ADCY2: variants seen among roughly 807,000 people sequenced by gnomAD.
The protein encoded by ADCY2 is adenylate cyclase 2.
Under a neutral mutation model 125.2 loss-of-function variants are expected in ADCY2, and 31 were observed. The observed-to-expected ratio is 0.25, with a 90% CI of 0.19 to 0.33. ADCY2 has a LOEUF of 0.33. ADCY2 is among the 10% of genes least tolerant of loss of function. The pLI is 1.00. For synonymous variants in ADCY2, 512 were observed against 548.4 expected, an observed-to-expected ratio of 0.93 and a Z score of 0.93; for missense variants, 904 against 1,418.2, an observed-to-expected ratio of 0.64 and a Z score of 5.82.
chr5:7,505,051 T>A (rs1283782356), intron 2 of ADCY2, among the ~76,000 whole-genome samples: 1 of 151,412 alleles, frequency 6.6e-6, no homozygotes, highest in Non-Finnish European at 1.5e-5. Flanking sequence ...CTGTGGCTAA[T>A]TTTTGTGGTT....
Position 7,709,197 on chromosome 5 carries a change from T to C in ADCY2, c.1402-14T>C. ...GTGCTGTGCCAGGTGTGATGCTTTG[T>C]TTCTCACCCCAAGGGAGAACGACGG... On this transcript the variant is annotated splice_polypyrimidine_tract_variant and intron_variant, in intron 9 of 24. Coordinates refer to ENST00000338316, the MANE Select transcript of ADCY2 (RefSeq NM_020546.3). This position sits in a 1 kb window ranked among gnomAD's most constrained non-coding sequence, Gnocchi z 4.4. 1 of 1,591,704 alleles carries C rather than the reference T, an allele frequency of 6.3e-7. No homozygotes were observed. Among genetic ancestry groups the C allele is most frequent in the Non-Finnish European group, 8.6e-7 (1 of 1,168,754 alleles).
chr5:7,602,096 T>C (rs954803235), intron 3 of ADCY2, among the ~76,000 whole-genome samples: 2 of 152,184 alleles, frequency 1.3e-5, no homozygotes, highest in Non-Finnish European at 1.5e-5. Context: ...TAGAAGGACA[T>C]TTGTCATTGG....
chr5:7,736,057 A>G (rs1286609554), intron 14 of ADCY2, among the ~76,000 whole-genome samples: 1 of 152,062 alleles, frequency 6.6e-6, no homozygotes, highest in East Asian at 1.9e-4. Flanking sequence ...CCTCTCTACC[A>G]AAAATACAAA....
intron 2 of ADCY2, among the ~76,000 whole-genome samples, chr5:7,504,541 C>G (rs1215397077): frequency 6.6e-6 from 1 of 151,918 alleles, no homozygotes; most frequent in Non-Finnish European, 1.5e-5. Flanking sequence ...AAAATTAACA[C>G]TGTTCAGCAA....
intron 4 of ADCY2, among the ~76,000 whole-genome samples, chr5:7,629,071 T>G (rs1410532192): frequency 6.6e-6 from 1 of 151,646 alleles, no homozygotes; most frequent in Non-Finnish European, 1.5e-5. Flanking sequence ...TCAAAGTTCT[T>G]CATTCCGGAA....
intron 2 of ADCY2, among the ~76,000 whole-genome samples, chr5:7,466,525 T>C (rs1309039686): frequency 6.6e-6 from 1 of 152,212 alleles, no homozygotes; most frequent in Non-Finnish European, 1.5e-5. Context: ...AGCCTGCTTT[T>C]AAGCCCTGCC....
At chr5:7,529,246 T>A (rs752274845) in intron 3 of ADCY2, among the ~76,000 whole-genome samples, 13,857 of 53,688 alleles carry the variant, frequency 0.26, 741 homozygotes, top group South Asian at 0.44. Context: ...GAATGAGGAC[T>A]TAATGAAAAG....
intron 7 of ADCY2, 69 bp from the exon 8 acceptor site, chr5:7,706,675 A>C: frequency 6.4e-7 from 1 of 1,551,558 alleles, no homozygotes; most frequent in Non-Finnish European, 8.8e-7. Context: ...AAATACTGGG[A>C]AAATTGGCCA....
chr5:7,428,423 C>T (rs1285492679), intron 2 of ADCY2, among the ~76,000 whole-genome samples: 1 of 152,148 alleles, frequency 6.6e-6, no homozygotes, highest in African/African-American at 2.4e-5. Flanking sequence ...CTTTTCACTC[C>T]ATGATATATG....
chr5:7,418,645 C>CTTTTTTTTTT (rs1160037097), intron 2 of ADCY2, among the ~76,000 whole-genome samples: 1 of 92,504 alleles, frequency 1.1e-5, no homozygotes, highest in African/African-American at 5.1e-5. Context: ...AGTCTACCTT[C>CTTTTTTTTTT]TGTTTTTTTT....
chr5:7,704,553 G>A (rs1741199039), intron 7 of ADCY2, among the ~76,000 whole-genome samples: 1 of 152,048 alleles, frequency 6.6e-6, no homozygotes, highest in African/African-American at 2.4e-5. Flanking sequence ...TTTTTCTATA[G>A]ATCATGTAAA....
intron 3 of ADCY2, among the ~76,000 whole-genome samples, chr5:7,612,564 T>C (rs914262510): frequency 1.3e-5 from 2 of 152,210 alleles, no homozygotes; most frequent in African/African-American, 2.4e-5. Context: ...GCAGGAATGC[T>C]GCTGTATTTG....
At position 7,609,989 on chromosome 5, in the gene ADCY2, G is replaced by T. The variant is rs16878813; in HGVS notation, c.571-16178G>T. 7.3e-3 allele frequency among the ~76,000 whole-genome samples: 1,115 copies of T among 152,314 alleles called. 10 individuals carry two copies. Among genetic ancestry groups the T allele is most frequent in the African/African-American group, 0.025 (1,050 of 41,568 alleles). On this transcript the variant is annotated intron_variant, in intron 3 of 24. Transcript: ENST00000338316. The stretch of plus-strand genomic sequence containing the variant: ...GGAGCAACCCAGAGGAGGGCTTCAT[G>T]CCTAGAGTGGAGCTGAGACAGGGCA...
At chr5:7,455,416 G>A (rs76118555) in intron 2 of ADCY2, among the ~76,000 whole-genome samples, 1,765 of 152,158 alleles carry the variant, frequency 0.012, 11 homozygotes, top group Non-Finnish European at 0.019. Context: ...GGACATTTGA[G>A]GGAAAAGTTC....
At chr5:7,403,830 C>G (rs1021309622) in intron 1 of ADCY2, among the ~76,000 whole-genome samples, 1 of 152,020 alleles carries the variant, frequency 6.6e-6, no homozygotes, top group African/African-American at 2.4e-5. Flanking sequence ...CAATTACTTT[C>G]TTCATATCTG....
chr5:7,467,345 G>T (rs1742160140), intron 2 of ADCY2, among the ~76,000 whole-genome samples: 2 of 152,190 alleles, frequency 1.3e-5, no homozygotes, highest in African/African-American at 4.8e-5. Flanking sequence ...TACACTTCCA[G>T]GCAATTGCCC....
intron 12 of ADCY2, among the ~76,000 whole-genome samples, chr5:7,720,671 T>G (rs527342158): frequency 8.5e-5 from 13 of 152,260 alleles, no homozygotes; most frequent in Non-Finnish European, 1.6e-4. Context: ...CTTGTGATAG[T>G]TTGCTCAAAC....
At chr5:7,798,977 G>A (rs326140) in intron 20 of ADCY2, 107,278 of 152,086 alleles carry the variant, frequency 0.71, 38,109 homozygotes, top group South Asian at 0.81. Flanking sequence ...CGTCCAAGAT[G>A]GGGAAGATCT....
intron 1 of ADCY2, among the ~76,000 whole-genome samples, chr5:7,413,754 A>G (rs181529436): frequency 1.3e-5 from 2 of 152,218 alleles, no homozygotes; most frequent in African/African-American, 2.4e-5. Flanking sequence ...GCCTAAGCCC[A>G]GGCTTGTGTA....
Sources: gnomAD v4.1 joint callset for allele counts (sites outside exome capture counted in the v4.1 genomes callset) on GRCh38, gnomAD v4.1.1 for gene constraint, Gnocchi (gnomAD v3.1) non-coding constraint, MANE v1.5 for transcripts, NCBI Gene and HGNC (gene_info 2026-07-23, HGNC 2026-07-21) for gene names.